ACSS2: variants seen among roughly 807,000 people sequenced by gnomAD.
ACSS2 encodes the protein acyl-CoA synthetase short chain family member 2, also known as acetyl-coenzyme A synthetase, cytoplasmic.
In ACSS2, 58 loss-of-function variants were observed where a neutral mutation model predicts 90.6. The observed-to-expected ratio is 0.64, with a 90% CI of 0.52 to 0.80. The LOEUF (loss-of-function observed/expected upper bound fraction) is 0.80, where lower values mean the gene tolerates loss of function less well. Among genes scored for constraint, ACSS2 ranks in the 30% least tolerant of loss-of-function variants. ACSS2 has a pLI of 0.00. For missense variants in ACSS2, 759 were observed against 912.0 expected (o/e 0.83, Z 2.16); for synonymous variants, 300 against 330.9 (o/e 0.91, Z 1.01).
intron 7 of ACSS2, chr20:34,915,343 G>A: frequency 6.5e-7 from 1 of 1,536,552 alleles, no homozygotes; most frequent in Admixed American, 1.7e-5. Flanking sequence ...GCCCCATTGA[G>A]GTGGCTGCCA....
chr20:34,899,837 C>T (rs2147029108), intron 2 of ACSS2, among the ~76,000 whole-genome samples: 2 of 152,222 alleles, frequency 1.3e-5, no homozygotes, highest in Middle Eastern at 6.8e-3. Flanking sequence ...GGGTTGTTTA[C>T]ACTTTCTGAT....
intron 2 of ACSS2, among the ~76,000 whole-genome samples, chr20:34,902,891 A>AT (rs34171408): frequency 0.33 from 37,875 of 115,232 alleles, 6,558 homozygotes; most frequent in Middle Eastern, 0.4. Context: ...ACACCTGGCT[A>AT]TTTTTTTTTT....
intron 1 of ACSS2, 71 bp downstream of exon 1, chr20:34,876,894 G>A: frequency 9.3e-7 from 1 of 1,078,400 alleles, no homozygotes; most frequent in Non-Finnish European, 1.2e-6. Flanking sequence ...GGGAGTCGGG[G>A]GCTCCCTTGG....
At chr20:34,886,929 A>G (rs1271113399) in intron 2 of ACSS2, among the ~76,000 whole-genome samples, 1 of 152,230 alleles carries the variant, frequency 6.6e-6, no homozygotes, top group African/African-American at 2.4e-5. Context: ...ATTTGTAGCT[A>G]GTTTCTTGTT....
At position 34,913,101 on chromosome 20, in the gene ACSS2, G is replaced by C; in HGVS notation, c.380G>C (p.Gly127Ala). Residue 127 changes from glycine to alanine, a missense_variant, in exon 3 of 18, where the codon GGC becomes GCC. Gly to Ala is a moderately conservative substitution (Grantham distance 60). Coordinates refer to ENST00000360596, the MANE Select transcript of ACSS2 (RefSeq NM_018677.4). Reference protein sequence around the residue: ...LGDKVAFYWEGNEPGETTQIT... With the variant: ...LGDKVAFYWEANEPGETTQIT... ...TTCTTTCTGGTATGTCTCAGGGAGG[G>C]CAATGAGCCAGGGGAGACCACTCAG... The C allele has an allele frequency of 1.9e-6, 3 of 1,613,610 alleles. No homozygotes were observed.
Position 34,925,693 on chromosome 20 carries a change from C to T in ACSS2, c.1658-5C>T, listed in dbSNP as rs1246562183. ...TTATTTATTAGGTTTTGCATTTCTT[C>T]CCAGGCTGCCAGCGGGACCAGGATG... On this transcript the variant is annotated splice_polypyrimidine_tract_variant and splice_region_variant and intron_variant, in intron 14 of 17. Coordinates refer to ENST00000360596, the MANE Select transcript of ACSS2 (RefSeq NM_018677.4). The T allele has an allele frequency of 3.1e-6, 5 of 1,612,296 alleles. No homozygotes were observed. Among genetic ancestry groups the T allele is most frequent in the Admixed American group, 3.3e-5 (2 of 59,810 alleles).
intron 1 of ACSS2, among the ~76,000 whole-genome samples, chr20:34,878,131 TGCC>T (rs1269422824): frequency 1.3e-5 from 2 of 152,160 alleles, no homozygotes; most frequent in African/African-American, 4.8e-5. Flanking sequence ...GACGAGGTTT[TGCC>T]ATGTTGCCCA....
intron 16 of ACSS2, 136 bp from the exon 17 acceptor site, chr20:34,926,741 G>A: frequency 1.3e-6 from 1 of 757,344 alleles, no homozygotes; most frequent in South Asian, 1.7e-5. Context: ...AGCAAGAGAA[G>A]CAGTGAACCT....
chr20:34,925,302 G>A (rs1434481990), intron 14 of ACSS2, among the ~76,000 whole-genome samples: 1 of 152,160 alleles, frequency 6.6e-6, no homozygotes, highest in Non-Finnish European at 1.5e-5. Flanking sequence ...TTACTCGCAT[G>A]GTTGTTAGCA....
intron 14 of ACSS2, among the ~76,000 whole-genome samples, chr20:34,924,562 G>A (rs1248466489): frequency 6.6e-6 from 1 of 152,204 alleles, no homozygotes; most frequent in Non-Finnish European, 1.5e-5. Context: ...TGTGGCTGGA[G>A]CGTAGCAAGC....
intron 2 of ACSS2, among the ~76,000 whole-genome samples, chr20:34,899,755 G>A (rs1043798172): frequency 3.9e-5 from 6 of 151,974 alleles, no homozygotes; most frequent in Non-Finnish European, 7.4e-5. Flanking sequence ...CCAAAGTGCT[G>A]GGATTACAGG....
intron 2 of ACSS2, among the ~76,000 whole-genome samples, chr20:34,910,611 T>C (rs2080928092): frequency 6.6e-6 from 1 of 152,220 alleles, no homozygotes; most frequent in African/African-American, 2.4e-5. Flanking sequence ...GCTATGATTG[T>C]GCCTCTGTAC....
intron 1 of ACSS2, among the ~76,000 whole-genome samples, chr20:34,877,678 G>A (rs2079950834): frequency 6.6e-6 from 1 of 151,894 alleles, no homozygotes; most frequent in Non-Finnish European, 1.5e-5. Flanking sequence ...AATTAGCCGG[G>A]TGTGGTGGCG....
intron 2 of ACSS2, among the ~76,000 whole-genome samples, chr20:34,895,510 C>T (rs1172141659): frequency 6.6e-6 from 1 of 152,150 alleles, no homozygotes; most frequent in South Asian, 2.1e-4. Flanking sequence ...GAGTTTGTTA[C>T]GTGGATGAAT....
At position 34,888,704 on chromosome 20, in the gene ACSS2, G is replaced by C. The variant is rs2080258327; in HGVS notation, c.374+5715G>C. ...AGGGAAGTGACAGTGCAGAGTGGGA[G>C]CTGATAAGGAAAGAACCTTTTGATA... On this transcript the variant is annotated intron_variant, in intron 2 of 17. Transcript: ENST00000360596. 1.3e-5 allele frequency among the ~76,000 whole-genome samples: 2 copies of C among 152,174 alleles called. 1 individual carries two copies. The highest frequency in any genetic ancestry group is 4.1e-4 in the South Asian group (2 of 4,828).
chr20:34,875,462 G>A (rs1262994654), upstream of ACSS2, among the ~76,000 whole-genome samples: 1 of 152,110 alleles, frequency 6.6e-6, no homozygotes, highest in African/African-American at 2.4e-5. Flanking sequence ...CCAGCTACTC[G>A]GGAGGCTGAG....
chr20:34,913,861 C>G, intron 5 of ACSS2, 36 bp downstream of exon 5: 1 of 1,596,540 alleles, frequency 6.3e-7, no homozygotes, highest in Non-Finnish European at 8.6e-7. Flanking sequence ...CAGAACCCCC[C>G]ATACCTCAAG....
Position 34,922,910 on chromosome 20 carries a change from G to A in ACSS2, c.1549-413G>A, listed in dbSNP as rs537948273. 90 of 161,690 alleles carry A rather than the reference G, an allele frequency of 5.6e-4. No homozygotes were observed. In the South Asian group the frequency reaches 8.4e-3, roughly 15 times the overall value. The allele number at this position is 161,690 out of a possible 1,614,324, so 10.0% of individuals were successfully genotyped here. A position where few individuals can be genotyped will look rare whatever the true frequency, so the allele number is the denominator to read the frequency against. ...TGATTGGGCAATAATTATTTACTTG[G>A]TGTGTGGGCACCACTGTTTTTTAAA... On this transcript the variant is annotated intron_variant, in intron 13 of 17. Coordinates refer to ENST00000360596, the MANE Select transcript of ACSS2 (RefSeq NM_018677.4).
rs868388083 is a variant in ACSS2 at position 34,882,813 on chromosome 20, C to T, written c.198C>T (p.Ala66=). 3.1e-6 allele frequency: 5 copies of T among 1,612,236 alleles called. No individual in the cohort carries two copies. The highest frequency in any genetic ancestry group is 4.2e-6 in the Non-Finnish European group (5 of 1,179,496). ...EEPREFWGDI[A]KEFYWKTPCP... is the part of the protein sequence containing the mutation. ...TTGCAGAATTCTGGGGAGACATTGC[C>T]AAGGAATTTTACTGGAAGACTCCAT... Residue 66 remains alanine, a synonymous_variant, in exon 2 of 18, where the codon GCC becomes GCT. Transcript: ENST00000360596.
Sources: allele counts gnomAD v4.1 joint callset (sites outside exome capture counted in the v4.1 genomes callset), GRCh38; gene constraint gnomAD v4.1.1; transcripts MANE v1.5; gene names NCBI Gene and HGNC (gene_info 2026-07-23, HGNC 2026-07-21).